The following MYO9A variants were observed in gnomAD, a reference collection of about 807,000 sequenced individuals.
The protein encoded by MYO9A is myosin IXA, also known as unconventional myosin-IXa.
MYO9A carries 103 observed loss-of-function variants against 293.3 expected under a neutral mutation model. The observed-to-expected ratio is 0.35, with a 90% CI of 0.30 to 0.41. MYO9A has a LOEUF of 0.41. MYO9A is among the 10% of genes least tolerant of loss of function. The pLI is 1.00. For missense variants in MYO9A, 2,685 were observed against 3,033.0 expected, an observed-to-expected ratio of 0.89 and a Z score of 2.69; for synonymous variants, 1,001 against 1,035.7, an observed-to-expected ratio of 0.97 and a Z score of 0.64.
At chr15:71,917,279 G>A (rs2058035124) in intron 18 of MYO9A, among the ~76,000 whole-genome samples, 1 of 152,200 alleles carries the variant, frequency 6.6e-6, no homozygotes, top group East Asian at 1.9e-4. Context: ...GCACACGCCT[G>A]TAATCCCAGC....
rs2059287149 is a variant in MYO9A at position 71,959,902 on chromosome 15, A to C, written c.2181T>G (p.Thr727=). ...AGAATACTAATAACTACTACTTACC[A>C]GTTTTTCTGTGAATGTTTCTTTTCC... ...EAGKRNIHRK[T]GHDDTAPCAI... Residue 727 remains threonine (T), a splice_region_variant and synonymous_variant, in exon 14 of 42, where the codon ACT becomes ACG. Coordinates refer to ENST00000356056, the MANE Select transcript of MYO9A (RefSeq NM_006901.4). 1.2e-6 allele frequency: 2 copies of C among 1,612,134 alleles called. No homozygotes were observed. The highest frequency in any genetic ancestry group is 1.7e-6 in the Non-Finnish European group (2 of 1,179,028).
In MYO9A at chr15:72,032,396, C is replaced by A. The variant is rs768703665; in HGVS notation, c.935+98G>T. The A allele has an allele frequency of 5.8e-4, 413 of 715,480 alleles. 2 individuals are homozygous for A. Among genetic ancestry groups the A allele is most frequent in the Non-Finnish European group, 7.8e-4 (377 of 480,820 alleles). The allele number at this position is 715,480 out of a possible 1,614,324, so 44.3% of individuals were successfully genotyped here. A position where few individuals can be genotyped will look rare whatever the true frequency, so the allele number is the denominator to read the frequency against. ...ACAGGGAAGAATTTTAATGCTGACACCAATGTCTGGGAATGAACAATACAT... is the reference window on the plus strand; with the variant it reads ...ACAGGGAAGAATTTTAATGCTGACAACAATGTCTGGGAATGAACAATACAT... On this transcript the variant is annotated intron_variant, in intron 3 of 41. Transcript: ENST00000356056.
chr15:71,934,254 C>T (rs1329395230), intron 17 of MYO9A, among the ~76,000 whole-genome samples: 3 of 151,354 alleles, frequency 2.0e-5, no homozygotes, highest in Admixed American at 6.6e-5. Flanking sequence ...TAAAGTCCAA[C>T]GCTTATGAAT....
intron 1 of MYO9A, among the ~76,000 whole-genome samples, chr15:72,084,833 T>C (rs773108230): frequency 1.3e-5 from 2 of 152,212 alleles, no homozygotes; most frequent in Non-Finnish European, 2.9e-5. Context: ...GGTCCACCAT[T>C]AGTCTGATGG....
intron 1 of MYO9A, among the ~76,000 whole-genome samples, chr15:72,078,125 C>T (rs1322849325): frequency 1.3e-5 from 2 of 152,108 alleles, no homozygotes; most frequent in African/African-American, 4.8e-5. Context: ...GCAGTTCTTA[C>T]AAAACTAAAC....
At chr15:71,923,307 C>CA (rs768768615) in intron 18 of MYO9A, among the ~76,000 whole-genome samples, 2 of 152,144 alleles carry the variant, frequency 1.3e-5, no homozygotes, top group Non-Finnish European at 2.9e-5. Flanking sequence ...CATCCATGTT[C>CA]AATCAGAGAC....
At chr15:71,948,730 C>T (rs986331151) in intron 15 of MYO9A, among the ~76,000 whole-genome samples, 3 of 152,196 alleles carry the variant, frequency 2.0e-5, no homozygotes, top group Non-Finnish European at 4.4e-5. Flanking sequence ...CCATATAATA[C>T]ATATGTTGAC....
At chr15:72,090,171 C>T (rs2079860404) in intron 1 of MYO9A, among the ~76,000 whole-genome samples, 1 of 152,100 alleles carries the variant, frequency 6.6e-6, no homozygotes, top group African/African-American at 2.4e-5. Context: ...TTAGAGAAAT[C>T]CTAAATATTC....
intron 1 of MYO9A, among the ~76,000 whole-genome samples, chr15:72,107,352 C>A (rs1357822368): frequency 6.6e-6 from 1 of 152,088 alleles, no homozygotes; most frequent in African/African-American, 2.4e-5. Flanking sequence ...AGTCCCAGAC[C>A]AGCCTGGTCA....
intron 12 of MYO9A, among the ~76,000 whole-genome samples, chr15:71,971,447 C>T (rs1053155252): frequency 1.1e-4 from 16 of 151,746 alleles, no homozygotes; most frequent in Admixed American, 8.5e-4. Flanking sequence ...ATTAGCCAGA[C>T]GTGGTGGTAT....
At chr15:72,091,872 G>A (rs550999376) in intron 1 of MYO9A, among the ~76,000 whole-genome samples, 17 of 151,840 alleles carry the variant, frequency 1.1e-4, no homozygotes, top group Admixed American at 5.2e-4. Flanking sequence ...CCGCCACCAC[G>A]CCCAGCTAAT....
chr15:72,001,659 T>G (rs1039997257), intron 8 of MYO9A, among the ~76,000 whole-genome samples: 7 of 152,108 alleles, frequency 4.6e-5, no homozygotes, highest in Admixed American at 1.3e-4. Context: ...TCAATAATCT[T>G]TTAAAGAACA....
chr15:71,946,841 T>C (rs186339887), intron 15 of MYO9A, among the ~76,000 whole-genome samples: 39 of 152,318 alleles, frequency 2.6e-4, no homozygotes, highest in Admixed American at 1.2e-3. Context: ...AGGCCGGATG[T>C]AGTGGCTCAC....
chr15:71,906,939 T>C (rs2144085847), intron 19 of MYO9A, among the ~76,000 whole-genome samples: 1 of 149,984 alleles, frequency 6.7e-6, no homozygotes, highest in South Asian at 2.1e-4. Context: ...ATTTTTTTTT[T>C]CTTTTTTTTT....
At chr15:71,878,369 A>AG in intron 30 of MYO9A, 138 bp from the exon 31 acceptor site, 1 of 535,926 alleles carries the variant, frequency 1.9e-6, no homozygotes, top group Non-Finnish European at 3.0e-6. Context: ...CATGCCCATG[A>AG]GGTCATGTGG....
At position 71,830,190 on chromosome 15, in the gene MYO9A, T is replaced by G. The variant is rs779882964; in HGVS notation, c.6959A>C (p.Asp2320Ala). The change falls in exon 40 of 42, where the codon GAC becomes GCC. Residue 2320 changes from aspartate (D) to alanine (A), a missense_variant. By Grantham distance (126) the Asp-to-Ala change is moderately radical. Coordinates refer to ENST00000356056, the MANE Select transcript of MYO9A (RefSeq NM_006901.4). ...TLTSEAAMET[D>A]ITEQQQAAMQ... ...AGCTGCTTGCTGCTGTTCTGTGATG[T>G]CAGTCTCCATGGCTGCCTCACTAGT... is the stretch of plus-strand genomic sequence containing the variant. The G allele has an allele frequency of 6.2e-7, 1 of 1,614,156 alleles. No individual in the cohort carries two copies. Among genetic ancestry groups the G allele is most frequent in the East Asian group, 2.2e-5 (1 of 44,884 alleles).
chr15:71,898,251 G>A lies in MYO9A; in HGVS notation c.4252C>T (p.Pro1418Ser). Residue 1418 changes from proline to serine, a missense_variant, in exon 25 of 42, where the codon CCT becomes TCT. Around this residue, in one of 10 missense-constraint regions of MYO9A, gnomAD observed 1,434 missense variants for 1,497.7 expected, o/e 0.96. Coordinates refer to ENST00000356056, the MANE Select transcript of MYO9A (RefSeq NM_006901.4). ...TGTTGGGGGATATAAAAAAAAGTAG[G>A]TAGACTATTTGAAATGAAGGAGTCT... is the stretch of plus-strand genomic sequence containing the variant. The part of the protein sequence containing the change: ...LKDSFISNSL[P>S]TFFYIPQQDP... The A allele has an allele frequency of 1.2e-6, 2 of 1,614,106 alleles. No homozygotes were observed. The highest frequency in any genetic ancestry group is 2.2e-5 in the South Asian group (2 of 91,070).
intron 13 of MYO9A, among the ~76,000 whole-genome samples, chr15:71,966,216 A>C (rs2075870309): frequency 6.9e-6 from 1 of 145,554 alleles, no homozygotes; most frequent in Non-Finnish European, 1.5e-5. Context: ...TCCTTTCTCC[A>C]TCTTTTTACT....
chr15:71,908,942 C>T (rs1233727857), intron 19 of MYO9A, among the ~76,000 whole-genome samples: 4 of 152,124 alleles, frequency 2.6e-5, no homozygotes. Flanking sequence ...CTGGCGACTA[C>T]TGATCTTTTT....
Sources: allele counts gnomAD v4.1 joint callset (sites outside exome capture counted in the v4.1 genomes callset), GRCh38; gene constraint gnomAD v4.1.1; regional missense constraint gnomAD v4.1.1; transcripts MANE v1.5; gene names NCBI Gene and HGNC (gene_info 2026-07-23, HGNC 2026-07-21).